TOB2: variants seen among roughly 807,000 people sequenced by gnomAD.
TOB2 encodes transducer of ERBB2, 2.
A neutral mutation model predicts 17.3 loss-of-function variants in TOB2; 3 were observed. That is an observed-to-expected ratio of 0.17 (90% CI 0.08 to 0.45). The LOEUF (loss-of-function observed/expected upper bound fraction) is 0.45, where lower values mean the gene tolerates loss of function less well. TOB2 is among the 20% of genes least tolerant of loss of function. TOB2 has a pLI of 0.99. For synonymous variants in TOB2, 163 were observed against 185.6 expected (o/e 0.88, Z 0.99); for missense variants, 407 against 445.7 (o/e 0.91, Z 0.78).
At chr22:41,438,250 G>A (rs1161004264) in intron 1 of TOB2, among the ~76,000 whole-genome samples, 1 of 152,166 alleles carries the variant, frequency 6.6e-6, no homozygotes, top group East Asian at 1.9e-4. Flanking sequence ...TTCACTGGGG[G>A]CCTGGACTCC....
intron 1 of TOB2, among the ~76,000 whole-genome samples, chr22:41,443,323 T>C (rs2037640019): frequency 6.9e-6 from 1 of 145,288 alleles, no homozygotes; most frequent in African/African-American, 2.4e-5. Context: ...CGAAGGAAGA[T>C]TTTTTTCCCC....
Position 41,436,909 on chromosome 22 carries a change from T to C in TOB2, c.437A>G (p.Gln146Arg). Residue 146 changes from glutamine (Q) to arginine (R), a missense_variant, in exon 2 of 2, where the codon CAG becomes CGG. By Grantham distance (43) the Gln-to-Arg change is conservative. Coordinates refer to ENST00000327492, the MANE Select transcript of TOB2 (RefSeq NM_016272.4). This position sits in a 1 kb window ranked among gnomAD's most constrained non-coding sequence, Gnocchi z 4.8. Reference sequence around the variant, plus strand: ...TGGGGAGTTGGACAGGGAGCTGTCCTGGCTGCCAATGGGCACGAACACCTG... The same window carrying C: ...TGGGGAGTTGGACAGGGAGCTGTCCCGGCTGCCAATGGGCACGAACACCTG... ...DAQVFVPIGS[Q>R]DSSLSNSPSP... is the part of the protein sequence containing the mutation. The C allele has an allele frequency of 6.2e-7, 1 of 1,614,232 alleles. No homozygotes were observed.
chr22:41,436,302 G>C lies in TOB2; in HGVS notation c.*9C>G, dbSNP rs1367414151. On this transcript the variant is annotated 3_prime_UTR_variant, in exon 2 of 2. Coordinates refer to ENST00000327492, the MANE Select transcript of TOB2 (RefSeq NM_016272.4). This position sits in a 1 kb window ranked among gnomAD's most constrained non-coding sequence, Gnocchi z 4.8. Reference sequence around the variant, plus strand: ...TTGGGTGCTCCTGGCCCCACGGGCAGGTAGATGGTCAGTTGGCCAGCACCA... The same window carrying C: ...TTGGGTGCTCCTGGCCCCACGGGCACGTAGATGGTCAGTTGGCCAGCACCA... 1 of 1,548,012 alleles carries C rather than the reference G, an allele frequency of 6.5e-7. No homozygotes were observed. The highest frequency in any genetic ancestry group is 2.3e-5 in the East Asian group (1 of 44,208).
intron 1 of TOB2, among the ~76,000 whole-genome samples, chr22:41,445,657 C>T (rs1429097482): frequency 1.3e-5 from 2 of 152,212 alleles, no homozygotes; most frequent in Non-Finnish European, 2.9e-5. Context: ...CACAGTTCAT[C>T]CTCCGGACAG....
intron 1 of TOB2, among the ~76,000 whole-genome samples, chr22:41,441,802 T>C (rs533234041): frequency 1.1e-4 from 17 of 151,488 alleles, no homozygotes; most frequent in Non-Finnish European, 2.1e-4. Context: ...CCTCAGCTAC[T>C]CAGGAGGCTG....
rs891628897 is a variant in TOB2, at chr22:41,435,522, G to T, written c.*789C>A. The T allele has an allele frequency of 5.2e-5, 8 of 152,624 alleles. No homozygotes were observed. Among genetic ancestry groups the T allele is most frequent in the Admixed American group, 1.3e-4 (2 of 15,286 alleles). The allele number at this position is 152,624 out of a possible 1,614,324, so 9.5% of individuals were successfully genotyped here. A position where few individuals can be genotyped will look rare whatever the true frequency, so the allele number is the denominator to read the frequency against. ...CCCTACCCACAACATCCAGCCTGGG[G>T]AAGAAGGGGCTGCATGAGGGAAAGA... is the stretch of plus-strand genomic sequence containing the variant. On this transcript the variant is annotated 3_prime_UTR_variant, in exon 2 of 2. Transcript: ENST00000327492.
Position 41,446,462 on chromosome 22 carries a change from G to T in TOB2, c.-146C>A, listed in dbSNP as rs889111160. The stretch of plus-strand genomic sequence containing the variant: ...GTGGCCTGAGCGCGGGGCGGAGGTC[G>T]CTCTCCTTTCCTTCCCGGGCGTCGC... On this transcript the variant is annotated 5_prime_UTR_variant, in exon 1 of 2. Transcript: ENST00000327492. 3 of 152,762 alleles carry T rather than the reference G, an allele frequency of 2.0e-5. No homozygotes were observed. The highest frequency in any genetic ancestry group is 7.2e-5 in the African/African-American group (3 of 41,482). The allele number at this position is 152,762 out of a possible 1,614,324, so 9.5% of individuals were successfully genotyped here.
rs1338621082 is a variant in TOB2 at position 41,436,047 on chromosome 22, A to G, written c.*264T>C. 5.9e-6 allele frequency: 2 copies of G among 340,288 alleles called. No individual in the cohort carries two copies. Among genetic ancestry groups the G allele is most frequent in the Non-Finnish European group, 5.3e-6 (1 of 189,728 alleles). 21.1% of individuals were successfully genotyped at this position (340,288 alleles called of 1,614,324 possible). On this transcript the variant is annotated 3_prime_UTR_variant, in exon 2 of 2. Coordinates refer to ENST00000327492, the MANE Select transcript of TOB2 (RefSeq NM_016272.4). This position sits in a 1 kb window ranked among gnomAD's most constrained non-coding sequence, Gnocchi z 4.8. Reference sequence around the variant, plus strand: ...GTTATATAGAAAACTACATGTAAGAAAAAAAAAAAAGAAAAAGAAATATAA... The same window carrying G: ...GTTATATAGAAAACTACATGTAAGAGAAAAAAAAAAGAAAAAGAAATATAA...
intron 1 of TOB2, among the ~76,000 whole-genome samples, chr22:41,444,332 C>G (rs2037655985): frequency 6.6e-6 from 1 of 152,224 alleles, no homozygotes; most frequent in African/African-American, 2.4e-5. Context: ...ACCGGTCAAC[C>G]TTAGGTCTGA....
At chr22:41,441,223 G>A (rs1338490816) in intron 1 of TOB2, among the ~76,000 whole-genome samples, 1 of 151,508 alleles carries the variant, frequency 6.6e-6, no homozygotes, top group Non-Finnish European at 1.5e-5. Context: ...GCTGAGGCAG[G>A]AGAATCGCTT....
chr22:41,434,894 A>T lies in TOB2; in HGVS notation c.*1417T>A, dbSNP rs1480692461. ...CCGTCAGGACACCACTCCTCGCAGCATCAAGGTCCAGTGGGGTTGGGTCAG... is the reference window on the plus strand; with the variant it reads ...CCGTCAGGACACCACTCCTCGCAGCTTCAAGGTCCAGTGGGGTTGGGTCAG... On this transcript the variant is annotated 3_prime_UTR_variant, in exon 2 of 2. Coordinates refer to ENST00000327492, the MANE Select transcript of TOB2 (RefSeq NM_016272.4). 6.5e-6 allele frequency: 1 copy of T among 152,740 alleles called. No individual in the cohort carries two copies. The highest frequency in any genetic ancestry group is 1.5e-5 in the Non-Finnish European group (1 of 68,184). 9.5% of individuals were successfully genotyped at this position (152,740 alleles called of 1,614,324 possible).
chr22:41,438,672 A>C (rs538154898), intron 1 of TOB2, among the ~76,000 whole-genome samples: 2 of 146,974 alleles, frequency 1.4e-5, no homozygotes, highest in African/African-American at 5.0e-5. Context: ...GGAATAAGAC[A>C]TAAGACAAGA....
chr22:41,437,493 G>A (rs2037567871), intron 1 of TOB2, 86 bp from the exon 2 acceptor site: 1 of 1,429,790 alleles, frequency 7.0e-7, no homozygotes, highest in Non-Finnish European at 9.2e-7. Context: ...CACCAACTTT[G>A]GATCACACAG....
At chr22:41,445,758 T>G (rs2037677612) in intron 1 of TOB2, among the ~76,000 whole-genome samples, 1 of 152,118 alleles carries the variant, frequency 6.6e-6, no homozygotes, top group African/African-American at 2.4e-5. Context: ...CTAAGGGTAC[T>G]TTTTTCTGCC....
rs920936427 is a variant in TOB2 at position 41,437,417 on chromosome 22, G to A, written c.-62-10C>T. ...TGGGCTCCAGGCGGCTCTGGGAAAT[G>A]AGAGGCACCGTGAGAAAATATGCAG... is the stretch of plus-strand genomic sequence containing the variant. On this transcript the variant is annotated splice_polypyrimidine_tract_variant and intron_variant, in intron 1 of 1. Coordinates refer to ENST00000327492, the MANE Select transcript of TOB2 (RefSeq NM_016272.4). 6.6e-7 allele frequency: 1 copy of A among 1,524,420 alleles called. No homozygotes were observed. The highest frequency in any genetic ancestry group is 8.8e-7 in the Non-Finnish European group (1 of 1,140,968). The allele number at this position is 1,524,420 out of a possible 1,614,324, so 94.4% of individuals were successfully genotyped here. A position where few individuals can be genotyped will look rare whatever the true frequency, so the allele number is the denominator to read the frequency against.
intron 1 of TOB2, among the ~76,000 whole-genome samples, chr22:41,445,636 G>A (rs991348129): frequency 1.4e-4 from 22 of 152,208 alleles, no homozygotes; most frequent in Non-Finnish European, 2.6e-4. Flanking sequence ...CAGATTTCTG[G>A]TGGTCAAGGG....
chr22:41,436,198 G>A lies in TOB2; in HGVS notation c.*113C>T, dbSNP rs1221766442. 3 of 1,352,106 alleles carry A rather than the reference G, an allele frequency of 2.2e-6. No homozygotes were observed. Among genetic ancestry groups the A allele is most frequent in the South Asian group, 3.3e-5 (2 of 61,222 alleles). 83.8% of individuals were successfully genotyped at this position (1,352,106 alleles called of 1,614,324 possible). A position where few individuals can be genotyped will look rare whatever the true frequency, so the allele number is the denominator to read the frequency against. ...GGCTGGATCTTTTTTCTAGAAGTAA[G>A]AGTGAGAAGATCGAAAATCTTTTTG... On this transcript the variant is annotated 3_prime_UTR_variant, in exon 2 of 2. Coordinates refer to ENST00000327492, the MANE Select transcript of TOB2 (RefSeq NM_016272.4). This position sits in a 1 kb window ranked among gnomAD's most constrained non-coding sequence, Gnocchi z 4.8.
chr22:41,438,255 G>C (rs978408889), intron 1 of TOB2, among the ~76,000 whole-genome samples: 3 of 152,162 alleles, frequency 2.0e-5, no homozygotes, highest in African/African-American at 7.2e-5. Flanking sequence ...TGGGGGCCTG[G>C]ACTCCAGTCA....
chr22:41,437,556 C>T (rs1449611933), intron 1 of TOB2, 149 bp from the exon 2 acceptor site: 1 of 923,228 alleles, frequency 1.1e-6, no homozygotes, highest in Non-Finnish European at 1.6e-6. Flanking sequence ...CTGTGGGCCC[C>T]AGTTTCCTCA....
Sources: gnomAD v4.1 joint callset for allele counts (sites outside exome capture counted in the v4.1 genomes callset) on GRCh38, gnomAD v4.1.1 for gene constraint, Gnocchi (gnomAD v3.1) non-coding constraint, MANE v1.5 for transcripts, NCBI Gene and HGNC (gene_info 2026-07-23, HGNC 2026-07-21) for gene names.